Variants in CSF2RA observed in about 807,000 individuals in gnomAD.
The protein encoded by CSF2RA is granulocyte-macrophage colony-stimulating factor receptor subunit alpha.
In CSF2RA, 42 loss-of-function variants were observed where a neutral mutation model predicts 51.6. The ratio of observed to expected loss-of-function variants is 0.81; its 90% CI spans 0.64 to 1.05. CSF2RA has a LOEUF of 1.05. Ranked by LOEUF, CSF2RA falls within the 50% of genes least tolerant of loss-of-function variation. The probability of loss-of-function intolerance (pLI) is 0.00; values close to 1 mark genes in which losing one functional copy is unlikely to be tolerated. For missense variants in CSF2RA, 530 were observed against 501.1 expected, an observed-to-expected ratio of 1.06 and a Z score of -0.55; for synonymous variants, 222 against 193.0, an observed-to-expected ratio of 1.15 and a Z score of -1.24.
In CSF2RA at chrX:1,288,840, C is replaced by T. The variant is rs151058706; in HGVS notation, c.425C>T (p.Pro142Leu). 3,947 of 1,613,894 alleles carry T rather than the reference C, an allele frequency of 2.4e-3. 87 individuals carry two copies. The African/African-American group carries it at 0.046, about 19-fold the overall frequency. Residue 142 changes from proline to leucine, a missense_variant, in exon 6 of 13, where the codon CCG becomes CTG. Pro to Leu is a moderately conservative substitution (Grantham distance 98). Coordinates refer to ENST00000381529, the MANE Select transcript of CSF2RA (RefSeq NM_172245.4). ...ATGAACTGTACCTGGGCGAGGGGTC[C>T]GACGGCCCCCCGTGACGTCCAGTAT... ...DLMNCTWARG[P>L]TAPRDVQYFL...
chrX:1,317,986 C>CT, the CSF2RA span, among the ~76,000 whole-genome samples: 810 of 147,720 alleles, frequency 5.5e-3, 6 homozygotes, highest in African/African-American at 0.019. Context: ...TTTTTCTTTT[C>CT]TTTTTTTTTC....
At position 1,278,902 on chromosome X, in the gene CSF2RA, T is replaced by G. The variant is rs182803412; in HGVS notation, c.-26-3776T>G. Among the ~76,000 whole-genome samples, 470 of 145,970 alleles carry G rather than the reference T, an allele frequency of 3.2e-3. 3 individuals carry two copies. The highest frequency in any genetic ancestry group is 0.011 in the African/African-American group (436 of 39,372). ...AAAATACAAAAATTAGCCAGGCGTG[T>G]TGGTGCGTGCCTGTAGTCCCAGCTA... On this transcript the variant is annotated intron_variant, in intron 2 of 12. Transcript: ENST00000381529.
chrX:1,319,315 A>G, the CSF2RA span, among the ~76,000 whole-genome samples: 2 of 143,722 alleles, frequency 1.4e-5, no homozygotes, highest in Admixed American at 1.4e-4. Context: ...AATTTTTGAG[A>G]CAGCATCTTG....
At chrX:1,280,886 TCTC>T (rs1228252614) in intron 2 of CSF2RA, among the ~76,000 whole-genome samples, 55 of 65,164 alleles carry the variant, frequency 8.4e-4, no homozygotes, top group African/African-American at 2.9e-3. Context: ...TCCTGCTCCT[TCTC>T]CTCCTCCTCC....
chrX:1,291,309 CCCTCCTTTCCTTCCTTCCTT>C (rs1396555671), intron 7 of CSF2RA, among the ~76,000 whole-genome samples: 1 of 145,398 alleles, frequency 6.9e-6, no homozygotes. Flanking sequence ...TTCCCTCCCT[CCCTCCTTTCCTTCCTTCCTT>C]CCTCCTTCCC....
rs1275748583 is a variant in CSF2RA, at chrX:1,287,974, T to TG, written c.220-544dup. Among the ~76,000 whole-genome samples the TG allele has an allele frequency of 1.7e-4, 26 of 150,602 alleles. No homozygotes were observed. The East Asian group carries it at 5.1e-3, about 29-fold the overall frequency. ...CTGGTCTTGAACTCCTGACCTCAAG[T>TG]GATCCACCCGCCTTGGCCTCCCAGA... is the stretch of plus-strand genomic sequence containing the variant. On this transcript the variant is annotated intron_variant, in intron 4 of 12. Coordinates refer to ENST00000381529, the MANE Select transcript of CSF2RA (RefSeq NM_172245.4).
the CSF2RA span, among the ~76,000 whole-genome samples, chrX:1,316,023 G>C: frequency 2.0e-4 from 26 of 127,136 alleles, no homozygotes; most frequent in African/African-American, 6.9e-4. Flanking sequence ...TATATAGATA[G>C]ATACATAGAT....
chrX:1,295,283 G>T lies in CSF2RA; in HGVS notation c.781-144G>T. ...ATCCTACCTGTCTTGTAGATTCGGG[G>T]TTTGTGGAGGGAGACCTGCCTGCCA... On this transcript the variant is annotated intron_variant, in intron 8 of 12. Coordinates refer to ENST00000381529, the MANE Select transcript of CSF2RA (RefSeq NM_172245.4). The T allele has an allele frequency of 6.1e-6, 6 of 980,578 alleles. No individual in the cohort carries two copies. The South Asian group carries it at 6.4e-5, about 10-fold the overall frequency. 60.7% of individuals were successfully genotyped at this position (980,578 alleles called of 1,614,324 possible).
chrX:1,313,148 G>T (rs2084257121), downstream of CSF2RA, among the ~76,000 whole-genome samples: 1 of 152,174 alleles, frequency 6.6e-6, no homozygotes, highest in African/African-American at 2.4e-5. Flanking sequence ...GCAGAGGCCG[G>T]GCGTGGTAGC....
At chrX:1,279,777 GTTT>G (rs35859383) in intron 2 of CSF2RA, among the ~76,000 whole-genome samples, 9 of 149,810 alleles carry the variant, frequency 6.0e-5, no homozygotes, top group African/African-American at 2.2e-4. Flanking sequence ...AGACACAACC[GTTT>G]TTTTTTTTTG....
chrX:1,317,808 C>A, the CSF2RA span, among the ~76,000 whole-genome samples: 2 of 151,134 alleles, frequency 1.3e-5, no homozygotes, highest in Admixed American at 1.3e-4. Flanking sequence ...AAGAGGAATT[C>A]TATTGAGGGA....
rs1227933475 is a variant in CSF2RA, at chrX:1,300,589, C to T, written c.909C>T (p.Ile303=). ...AGATCAGAGCTGCAGACGTCCGCAT[C>T]TTGAATTGGAGCTCCTGGAGTGAAG... ...SVKIRAADVR[I]LNWSSWSEAI... is the part of the protein sequence containing the mutation. The change falls in exon 10 of 13, where the codon ATC becomes ATT. Residue 303 remains isoleucine (I), a synonymous_variant. Transcript: ENST00000381529. 8 of 1,613,912 alleles carry T rather than the reference C, an allele frequency of 5.0e-6. No individual in the cohort carries two copies. The East Asian group carries it at 1.8e-4, about 36-fold the overall frequency.
Position 1,309,711 on chromosome X carries a change from AC to A in CSF2RA, c.*236del, listed in dbSNP as rs746630348. On this transcript the variant is annotated 3_prime_UTR_variant, in exon 13 of 13. Coordinates refer to ENST00000381529, the MANE Select transcript of CSF2RA (RefSeq NM_172245.4). ...AGACCAGCCTGCCCAACATGGTGAA[AC>A]CCCATCTGGACTAAAAATGCAGAAA... 2.6e-5 allele frequency: 24 copies of A among 938,678 alleles called. No individual in the cohort carries two copies. Among genetic ancestry groups the A allele is most frequent in the Non-Finnish European group, 3.8e-5 (22 of 577,592 alleles). 58.1% of individuals were successfully genotyped at this position (938,678 alleles called of 1,614,324 possible). A position where few individuals can be genotyped will look rare whatever the true frequency, so the allele number is the denominator to read the frequency against.
intron 7 of CSF2RA, among the ~76,000 whole-genome samples, chrX:1,291,776 G>A (rs2091425461): frequency 6.6e-6 from 1 of 150,490 alleles, no homozygotes; most frequent in African/African-American, 2.4e-5. Flanking sequence ...TGGACCCAGT[G>A]TAGACAAAGA....
At chrX:1,312,687 G>A (rs1230055656), downstream of CSF2RA, among the ~76,000 whole-genome samples, 2 of 152,098 alleles carry the variant, frequency 1.3e-5, no homozygotes, top group Non-Finnish European at 2.9e-5. Context: ...GCCTACAGGG[G>A]ACTTCAGGAC....
downstream of CSF2RA, among the ~76,000 whole-genome samples, chrX:1,312,810 T>TCAGAGTTTCA (rs2084244713): frequency 3.3e-5 from 5 of 151,972 alleles, no homozygotes; most frequent in South Asian, 1.0e-3. Context: ...GCCCCTTGCT[T>TCAGAGTTTCA]CAGAGTTTCA....
intron 4 of CSF2RA, among the ~76,000 whole-genome samples, chrX:1,288,123 C>G (rs576782704): frequency 6.6e-6 from 1 of 151,992 alleles, no homozygotes; most frequent in South Asian, 2.1e-4. Context: ...TCAGAGCCCT[C>G]GGAGGAAGCT....
chrX:1,316,001 CAGATAGAT>C, the CSF2RA span, among the ~76,000 whole-genome samples: 2 of 147,896 alleles, frequency 1.4e-5, no homozygotes, highest in Admixed American at 6.7e-5. Context: ...GATGGATAGA[CAGATAGAT>C]AGATATATAG....
intron 12 of CSF2RA, among the ~76,000 whole-genome samples, chrX:1,307,999 C>A (rs1272047753): frequency 2.7e-5 from 4 of 150,168 alleles, no homozygotes; most frequent in South Asian, 4.3e-4. Context: ...ACAAGGCCCA[C>A]CCCCTTTAGA....
Sources: allele counts gnomAD v4.1 joint callset (sites outside exome capture counted in the v4.1 genomes callset), GRCh38; gene constraint gnomAD v4.1.1; transcripts MANE v1.5; gene names NCBI Gene and HGNC (gene_info 2026-07-23, HGNC 2026-07-21).